The following XKR9 variants were observed in gnomAD, a reference collection of about 807,000 sequenced individuals.
The protein encoded by XKR9 is XK related 9.
Under a neutral mutation model 32.0 loss-of-function variants are expected in XKR9, and 32 were observed. That is an observed-to-expected ratio of 1.00 (90% confidence interval 0.76 to 1.34). The LOEUF is 1.34. XKR9 is among the 40% of genes most tolerant of loss of function. The pLI, the probability that XKR9 is intolerant of heterozygous loss-of-function variation, is 0.00. For missense variants in XKR9, 546 were observed against 429.7 expected (o/e 1.27, Z -2.39); for synonymous variants, 168 against 143.4 (o/e 1.17, Z -1.22).
At chr8:70,825,765 C>A in the XKR9 span, among the ~76,000 whole-genome samples, 2 of 152,012 alleles carry the variant, frequency 1.3e-5, no homozygotes, top group African/African-American at 4.8e-5. Context: ...CTATTAGACA[C>A]CTGGATACTT....
chr8:70,919,578 A>G, the XKR9 span, among the ~76,000 whole-genome samples: 1 of 152,216 alleles, frequency 6.6e-6, no homozygotes, highest in East Asian at 1.9e-4. Context: ...GGTGACTTGC[A>G]TATGCCCTAG....
intron 3 of XKR9, among the ~76,000 whole-genome samples, chr8:70,682,483 G>T (rs62533065): frequency 6.6e-6 from 1 of 152,072 alleles, no homozygotes; most frequent in East Asian, 1.9e-4. Flanking sequence ...ATTATAAATT[G>T]TATTATAAAA....
At chr8:71,008,137 G>T in the XKR9 span, among the ~76,000 whole-genome samples, 1 of 152,116 alleles carries the variant, frequency 6.6e-6, no homozygotes, top group Non-Finnish European at 1.5e-5. Context: ...AAGACCTAAA[G>T]AATTTTTGGG....
chr8:70,763,258 CATG>C (rs1807331591), intron 2 of XKR9, among the ~76,000 whole-genome samples: 1 of 152,144 alleles, frequency 6.6e-6, no homozygotes, highest in Admixed American at 6.6e-5. Context: ...ACTTCAGAAG[CATG>C]ATGGTTACTT....
intron 4 of XKR9, among the ~76,000 whole-genome samples, chr8:70,717,973 A>T (rs1478614960): frequency 2.0e-5 from 3 of 152,170 alleles, no homozygotes; most frequent in Admixed American, 1.3e-4. Context: ...GTCTCTTTGC[A>T]TAGCAAGAGT....
chr8:70,829,723 C>T, the XKR9 span, among the ~76,000 whole-genome samples: 1 of 152,146 alleles, frequency 6.6e-6, no homozygotes, highest in African/African-American at 2.4e-5. Context: ...GCTGGGATTA[C>T]AGTTGTGAGC....
At chr8:70,814,518 T>G in the XKR9 span, among the ~76,000 whole-genome samples, 1 of 151,492 alleles carries the variant, frequency 6.6e-6, no homozygotes, top group African/African-American at 2.4e-5. Context: ...ATCATCTCAA[T>G]AGACGTCGAA....
chr8:70,937,110 C>T, the XKR9 span, among the ~76,000 whole-genome samples: 1 of 151,748 alleles, frequency 6.6e-6, no homozygotes, highest in Non-Finnish European at 1.5e-5. Context: ...ATACACACAC[C>T]CCACATTAAC....
At chr8:70,857,136 A>C in the XKR9 span, among the ~76,000 whole-genome samples, 1 of 152,236 alleles carries the variant, frequency 6.6e-6, no homozygotes, top group Non-Finnish European at 1.5e-5. Flanking sequence ...GGCAGAACTG[A>C]AGGAAATAGA....
the XKR9 span, among the ~76,000 whole-genome samples, chr8:70,885,754 G>T: frequency 2.0e-5 from 3 of 151,960 alleles, no homozygotes; most frequent in African/African-American, 7.3e-5. Flanking sequence ...CTGCCACCAC[G>T]CCCGGCTAAT....
chr8:70,909,853 T>A, the XKR9 span, among the ~76,000 whole-genome samples: 1 of 151,704 alleles, frequency 6.6e-6, no homozygotes, highest in Non-Finnish European at 1.5e-5. Context: ...GGACTACAGG[T>A]ATGTGCCACC....
intron 2 of XKR9, among the ~76,000 whole-genome samples, chr8:70,759,901 G>T (rs963497157): frequency 3.3e-5 from 5 of 152,112 alleles, no homozygotes; most frequent in African/African-American, 7.2e-5. Context: ...CTCTATAAAT[G>T]AATCAAATTT....
the XKR9 span, among the ~76,000 whole-genome samples, chr8:70,874,211 G>T: frequency 6.6e-6 from 1 of 152,080 alleles, no homozygotes. Context: ...GCTTTATCGT[G>T]GTGGTCTGGC....
Position 70,758,802 on chromosome 8 carries a change from T to A in XKR9, n.353-30537T>A, listed in dbSNP as rs1336665358. Among the ~76,000 whole-genome samples, 5 of 152,298 alleles carry A rather than the reference T, an allele frequency of 3.3e-5. No individual in the cohort carries two copies. In the Middle Eastern group the frequency reaches 0.014, roughly 414 times the overall value. On this transcript the variant is annotated intron_variant and non_coding_transcript_variant, in intron 2 of 3. Coordinates refer to the XKR9 transcript ENST00000520273. Reference sequence around the variant, plus strand: ...TCAGTGTTTATATTATCATCAACAGTGAAGCAGCAGGCATGGGCAGTGAAG... The same window carrying A: ...TCAGTGTTTATATTATCATCAACAGAGAAGCAGCAGGCATGGGCAGTGAAG...
chr8:70,947,152 A>T, the XKR9 span, among the ~76,000 whole-genome samples: 17 of 152,368 alleles, frequency 1.1e-4, no homozygotes, highest in Non-Finnish European at 2.4e-4. Flanking sequence ...ATCATAAATC[A>T]TAAGTTGTTT....
In XKR9 at chr8:70,735,460, T is replaced by C. The variant is rs1330594108; in HGVS notation, c.*1036T>C. ...ATTTATTTTTAATTTTTTAATTTTATATTATTATTATTATTATTATACTTT... is the reference window on the plus strand; with the variant it reads ...ATTTATTTTTAATTTTTTAATTTTACATTATTATTATTATTATTATACTTT... On this transcript the variant is annotated 3_prime_UTR_variant, in exon 5 of 5. Transcript: ENST00000408926. 2.8e-5 allele frequency: 4 copies of C among 143,204 alleles called. No homozygotes were observed. The highest frequency in any genetic ancestry group is 4.5e-5 in the Non-Finnish European group (3 of 67,034). 8.9% of individuals were successfully genotyped at this position (143,204 alleles called of 1,614,324 possible). A position where few individuals can be genotyped will look rare whatever the true frequency, so the allele number is the denominator to read the frequency against.
chr8:70,729,881 C>T (rs1164722789), intron 4 of XKR9, among the ~76,000 whole-genome samples: 3 of 152,054 alleles, frequency 2.0e-5, no homozygotes. Context: ...TAAGCCAACA[C>T]ATCATTTTTG....
the XKR9 span, among the ~76,000 whole-genome samples, chr8:70,920,080 A>G: frequency 6.6e-6 from 1 of 152,206 alleles, no homozygotes; most frequent in Non-Finnish European, 1.5e-5. Context: ...TGCCTATGAG[A>G]CAATGCTTAT....
chr8:70,804,564 A>T, the XKR9 span, among the ~76,000 whole-genome samples: 1 of 152,222 alleles, frequency 6.6e-6, no homozygotes, highest in African/African-American at 2.4e-5. Flanking sequence ...ACTGGGAAAC[A>T]GGTTGGAAAA....
Sources: allele counts gnomAD v4.1 joint callset (sites outside exome capture counted in the v4.1 genomes callset), GRCh38; gene constraint gnomAD v4.1.1; transcripts MANE v1.5; gene names NCBI Gene and HGNC (gene_info 2026-07-23, HGNC 2026-07-21).